RPS6KA5: variants seen among roughly 807,000 people sequenced by gnomAD.
The protein encoded by RPS6KA5 is ribosomal protein S6 kinase A5.
RPS6KA5 carries 27 observed loss-of-function variants against 85.5 expected under a neutral mutation model. That is an observed-to-expected ratio of 0.32 (90% CI 0.23 to 0.44). RPS6KA5 has a LOEUF of 0.44. Among genes scored for constraint, RPS6KA5 ranks in the 20% least tolerant of loss-of-function variants. RPS6KA5 has a pLI of 1.00. For missense variants in RPS6KA5, 811 were observed against 980.9 expected (o/e 0.83, Z 2.31); for synonymous variants, 334 against 348.2 (o/e 0.96, Z 0.46).
rs769716386 is a variant in RPS6KA5, at chr14:90,857,866, C to T, written c.*14208G>A. 2.0e-5 allele frequency: 3 copies of T among 152,102 alleles called. No individual in the cohort carries two copies. Among genetic ancestry groups the T allele is most frequent in the Non-Finnish European group, 2.9e-5 (2 of 68,026 alleles). The allele number at this position is 152,102 out of a possible 1,614,324, so 9.4% of individuals were successfully genotyped here. A position where few individuals can be genotyped will look rare whatever the true frequency, so the allele number is the denominator to read the frequency against. ...TCTTATCTTAAATATTGTTATATTG[C>T]TTGTGTCTAGAGTAATACCTGGCCT... On this transcript the variant is annotated 3_prime_UTR_variant, in exon 17 of 17. Coordinates refer to ENST00000614987, the MANE Select transcript of RPS6KA5 (RefSeq NM_004755.4).
intron 2 of RPS6KA5, among the ~76,000 whole-genome samples, chr14:90,990,078 G>C (rs1448953121): frequency 6.6e-6 from 1 of 152,092 alleles, no homozygotes; most frequent in African/African-American, 2.4e-5. Flanking sequence ...TACCAATGGG[G>C]GGACAAGATA....
At chr14:90,873,541 C>CA (rs1437137240) in intron 16 of RPS6KA5, 91 bp downstream of exon 16, 14 of 1,193,928 alleles carry the variant, frequency 1.2e-5, no homozygotes, top group Non-Finnish European at 1.5e-5. Flanking sequence ...AAATGTGAAA[C>CA]AAAGAAAACG....
At chr14:90,926,887 A>G (rs1379696807) in intron 5 of RPS6KA5, among the ~76,000 whole-genome samples, 1 of 152,192 alleles carries the variant, frequency 6.6e-6, no homozygotes, top group African/African-American at 2.4e-5. Context: ...ACTCAGATGC[A>G]AGAAGCAAGA....
chr14:90,874,319 T>C (rs1045534356), intron 15 of RPS6KA5, among the ~76,000 whole-genome samples: 1 of 152,140 alleles, frequency 6.6e-6, no homozygotes, highest in Admixed American at 6.5e-5. Context: ...AGGGAGAGTG[T>C]AGCCTAGGGA....
In RPS6KA5 at chr14:91,060,381, G is replaced by C; in HGVS notation, c.54C>G (p.Gly18=). The change falls in exon 1 of 17, where the codon GGC becomes GGG. Residue 18 remains glycine, a synonymous_variant. Transcript: ENST00000614987. ...SGGAAGTSAD[G]GDGGEQLLTV... ...TGAGGAGCTGCTCTCCTCCGTCGCC[G>C]CCGTCCGCGCTGGTCCCCGCGGCGC... 1 of 1,504,590 alleles carries C rather than the reference G, an allele frequency of 6.6e-7. No individual in the cohort carries two copies. The allele number at this position is 1,504,590 out of a possible 1,614,324, so 93.2% of individuals were successfully genotyped here. A position where few individuals can be genotyped will look rare whatever the true frequency, so the allele number is the denominator to read the frequency against.
chr14:90,873,148 G>A (rs1041215659), intron 16 of RPS6KA5, among the ~76,000 whole-genome samples: 3 of 151,932 alleles, frequency 2.0e-5, no homozygotes, highest in African/African-American at 7.3e-5. Flanking sequence ...GCATCTGCTT[G>A]GCACAAATGT....
chr14:90,909,804 A>AT (rs746107530), intron 7 of RPS6KA5, among the ~76,000 whole-genome samples: 4 of 152,078 alleles, frequency 2.6e-5, no homozygotes, highest in Non-Finnish European at 5.9e-5. Context: ...TATTATTATT[A>AT]TTTTTTGAGA....
chr14:90,875,504 G>C (rs2033400156), intron 14 of RPS6KA5, 144 bp from the exon 15 acceptor site: 1 of 719,014 alleles, frequency 1.4e-6, no homozygotes, highest in Non-Finnish European at 2.2e-6. Context: ...TGATTCCTCA[G>C]GGATCTAGAA....
At chr14:90,894,668 ACC>A in intron 12 of RPS6KA5, 85 bp from the exon 13 acceptor site, 3 of 1,420,444 alleles carry the variant, frequency 2.1e-6, no homozygotes, top group Non-Finnish European at 2.8e-6. Flanking sequence ...ACTATCTACC[ACC>A]AATACGTTTA....
rs2032893826 is a variant in RPS6KA5 at position 90,868,348 on chromosome 14, T to TA, written c.*3725dup. The TA allele has an allele frequency of 6.6e-6, 1 of 152,230 alleles. No individual in the cohort carries two copies. The highest frequency in any genetic ancestry group is 6.5e-5 in the Admixed American group (1 of 15,284). 9.4% of individuals were successfully genotyped at this position (152,230 alleles called of 1,614,324 possible). A position where few individuals can be genotyped will look rare whatever the true frequency, so the allele number is the denominator to read the frequency against. On this transcript the variant is annotated 3_prime_UTR_variant, in exon 17 of 17. Coordinates refer to ENST00000614987, the MANE Select transcript of RPS6KA5 (RefSeq NM_004755.4). Reference sequence around the variant, plus strand: ...CAGGTATCAAGTGATGACAGACACTTACGTGAGGTATACAATCAATTAAAG... The same window carrying TA: ...CAGGTATCAAGTGATGACAGACACTTAACGTGAGGTATACAATCAATTAAAG...
intron 1 of RPS6KA5, among the ~76,000 whole-genome samples, chr14:91,024,836 G>C (rs1390845802): frequency 6.6e-6 from 1 of 152,000 alleles, no homozygotes; most frequent in Non-Finnish European, 1.5e-5. Context: ...TATGTGTTTT[G>C]TCTAAAGTTT....
intron 13 of RPS6KA5, among the ~76,000 whole-genome samples, chr14:90,893,059 T>C (rs1029879733): frequency 6.6e-6 from 1 of 152,166 alleles, no homozygotes; most frequent in South Asian, 2.1e-4. Context: ...TTGAGACTCA[T>C]GAGGTGACAG....
At chr14:90,972,727 T>C (rs1172946452) in intron 3 of RPS6KA5, among the ~76,000 whole-genome samples, 1 of 152,178 alleles carries the variant, frequency 6.6e-6, no homozygotes, top group African/African-American at 2.4e-5. Flanking sequence ...TCACAAGCCA[T>C]AAAAATAATT....
At chr14:91,043,825 T>C (rs919004396) in intron 1 of RPS6KA5, among the ~76,000 whole-genome samples, 1 of 152,218 alleles carries the variant, frequency 6.6e-6, no homozygotes. Flanking sequence ...AGCCTTTGTA[T>C]AATCTCCTCC....
Position 90,894,454 on chromosome 14 carries a change from T to A in RPS6KA5, c.1603A>T (p.Met535Leu). Residue 535 changes from methionine to leucine, a missense_variant, in exon 13 of 17, where the codon ATG becomes TTG. This residue lies in a region of RPS6KA5 where 650 missense variants were observed against 793.4 expected (regional missense o/e 0.82). Coordinates refer to ENST00000614987, the MANE Select transcript of RPS6KA5 (RefSeq NM_004755.4). ...MRKLVSAVSHMHDVGVVHRDL... is the reference protein window; with the variant it reads ...MRKLVSAVSHLHDVGVVHRDL... Reference sequence around the variant, plus strand: ...CTGTGCACCACTCCAACATCATGCATGTGGCTTACAGCTGAAACAAGCTTC... The same window carrying A: ...CTGTGCACCACTCCAACATCATGCAAGTGGCTTACAGCTGAAACAAGCTTC... 1 of 1,614,150 alleles carries A rather than the reference T, an allele frequency of 6.2e-7. No homozygotes were observed. Among genetic ancestry groups the A allele is most frequent in the Non-Finnish European group, 8.5e-7 (1 of 1,180,014 alleles).
intron 1 of RPS6KA5, among the ~76,000 whole-genome samples, chr14:91,007,088 T>C (rs1431377168): frequency 6.6e-6 from 1 of 152,196 alleles, no homozygotes; most frequent in African/African-American, 2.4e-5. Context: ...GCCTTGCAGA[T>C]GGATCACTCA....
At chr14:91,004,080 T>G (rs1014657547) in intron 1 of RPS6KA5, among the ~76,000 whole-genome samples, 3 of 152,172 alleles carry the variant, frequency 2.0e-5, no homozygotes, top group African/African-American at 7.2e-5. Flanking sequence ...TTTCTTGTTT[T>G]TTGTTTTGTT....
In RPS6KA5 at chr14:90,858,499, T is replaced by C. The variant is rs1048095851; in HGVS notation, c.*13575A>G. On this transcript the variant is annotated 3_prime_UTR_variant, in exon 17 of 17. Coordinates refer to ENST00000614987, the MANE Select transcript of RPS6KA5 (RefSeq NM_004755.4). ...GCTATAAAGAGAACGATGTCCTTTT[T>C]TTCTGAAGTCAATATACTAGAGCTA... The C allele has an allele frequency of 5.3e-5, 8 of 152,204 alleles. No homozygotes were observed. Among genetic ancestry groups the C allele is most frequent in the African/African-American group, 1.9e-4 (8 of 41,452 alleles). 9.4% of individuals were successfully genotyped at this position (152,204 alleles called of 1,614,324 possible). A position where few individuals can be genotyped will look rare whatever the true frequency, so the allele number is the denominator to read the frequency against.
intron 7 of RPS6KA5, among the ~76,000 whole-genome samples, chr14:90,914,009 G>C (rs986287098): frequency 6.6e-6 from 1 of 152,202 alleles, no homozygotes; most frequent in Non-Finnish European, 1.5e-5. Flanking sequence ...AGAAACAGCA[G>C]GTGATCCAGA....
Sources: allele counts gnomAD v4.1 joint callset (sites outside exome capture counted in the v4.1 genomes callset), GRCh38; gene constraint gnomAD v4.1.1; regional missense constraint gnomAD v4.1.1; transcripts MANE v1.5; gene names NCBI Gene and HGNC (gene_info 2026-07-23, HGNC 2026-07-21).